ZNF385D: variants seen among roughly 807,000 people sequenced by gnomAD.
ZNF385D encodes the protein zinc finger protein 659.
A neutral mutation model predicts 35.8 loss-of-function variants in ZNF385D; 15 were observed. That is an observed-to-expected ratio of 0.42 (90% CI 0.28 to 0.64). ZNF385D has a LOEUF of 0.64. ZNF385D is among the 30% of genes least tolerant of loss of function. The pLI is 0.23. For synonymous variants in ZNF385D, 212 were observed against 186.8 expected, an observed-to-expected ratio of 1.13 and a Z score of -1.10; for missense variants, 474 against 494.6, an observed-to-expected ratio of 0.96 and a Z score of 0.39.
intron 4 of ZNF385D, among the ~76,000 whole-genome samples, chr3:21,446,323 C>T (rs1261117323): frequency 6.6e-6 from 1 of 152,000 alleles, no homozygotes; most frequent in Non-Finnish European, 1.5e-5. Flanking sequence ...GACCAGTGTC[C>T]TTGTTTTCCT....
intron 3 of ZNF385D, among the ~76,000 whole-genome samples, chr3:21,881,683 T>C (rs1238747197): frequency 2.6e-5 from 4 of 152,004 alleles, no homozygotes; most frequent in Non-Finnish European, 5.9e-5. Flanking sequence ...CACAAGGCTA[T>C]AGTTGCCATT....
chr3:22,361,249 A>AAAGG (rs1285409385), intron 2 of ZNF385D, among the ~76,000 whole-genome samples: 2 of 152,114 alleles, frequency 1.3e-5, no homozygotes, highest in African/African-American at 4.8e-5. Context: ...AACAACTGGG[A>AAAGG]AAGGACAAAA....
intron 3 of ZNF385D, among the ~76,000 whole-genome samples, chr3:21,953,235 C>A (rs1269537015): frequency 1.3e-5 from 2 of 150,778 alleles, no homozygotes; most frequent in Non-Finnish European, 3.0e-5. Flanking sequence ...AGCAGCAGAA[C>A]TTACAAACTA....
At chr3:21,979,547 T>C (rs577193716) in intron 3 of ZNF385D, 1 of 152,312 alleles carries the variant, frequency 6.6e-6, no homozygotes, top group South Asian at 2.1e-4. Flanking sequence ...TACAGTTTCA[T>C]ATAAATAGAG....
chr3:21,740,384 A>T (rs1054929397), intron 1 of ZNF385D, among the ~76,000 whole-genome samples: 1 of 152,174 alleles, frequency 6.6e-6, no homozygotes, highest in Non-Finnish European at 1.5e-5. Flanking sequence ...CTGAGTCAGG[A>T]TCTATATTAT....
intron 3 of ZNF385D, among the ~76,000 whole-genome samples, chr3:21,952,780 A>G (rs926227733): frequency 3.9e-5 from 6 of 151,920 alleles, no homozygotes; most frequent in Non-Finnish European, 7.4e-5. Flanking sequence ...GCTACTTAAT[A>G]TATTTTATGA....
chr3:21,447,434 C>T (rs1449317993), intron 4 of ZNF385D, among the ~76,000 whole-genome samples: 1 of 152,166 alleles, frequency 6.6e-6, no homozygotes, highest in Non-Finnish European at 1.5e-5. Context: ...ATACTGCATG[C>T]TGCAGTAACA....
At chr3:21,823,715 G>A (rs1694421107) in intron 3 of ZNF385D, among the ~76,000 whole-genome samples, 1 of 152,170 alleles carries the variant, frequency 6.6e-6, no homozygotes, top group Non-Finnish European at 1.5e-5. Flanking sequence ...CTTAACCACA[G>A]AAGGTATGTT....
chr3:22,179,051 T>C (rs949138727), intron 2 of ZNF385D, among the ~76,000 whole-genome samples: 4 of 152,156 alleles, frequency 2.6e-5, no homozygotes, highest in Admixed American at 2.6e-4. Context: ...TGGCTTAGGA[T>C]TGACTTGGCG....
intron 3 of ZNF385D, among the ~76,000 whole-genome samples, chr3:22,043,117 T>G (rs910767095): frequency 5.3e-5 from 8 of 152,166 alleles, no homozygotes; most frequent in African/African-American, 1.7e-4. Context: ...CTGCAGTCAT[T>G]TGGTTTACAA....
chr3:21,698,476 T>C (rs2067549878), intron 1 of ZNF385D, among the ~76,000 whole-genome samples: 1 of 152,156 alleles, frequency 6.6e-6, no homozygotes, highest in South Asian at 2.1e-4. Flanking sequence ...GAGAAGGGAC[T>C]GAGGGTTGAA....
intron 2 of ZNF385D, among the ~76,000 whole-genome samples, chr3:22,179,976 C>T (rs1254167487): frequency 1.3e-5 from 2 of 152,002 alleles, no homozygotes; most frequent in Non-Finnish European, 2.9e-5. Flanking sequence ...AAAAACCCTT[C>T]AAAAAATCAA....
intron 3 of ZNF385D, among the ~76,000 whole-genome samples, chr3:22,162,357 A>G (rs1319688363): frequency 6.6e-6 from 1 of 152,210 alleles, no homozygotes; most frequent in East Asian, 1.9e-4. Flanking sequence ...TAGAAAATCT[A>G]CATTAGTAAA....
At chr3:21,732,469 G>A (rs2069066172) in intron 1 of ZNF385D, among the ~76,000 whole-genome samples, 1 of 152,206 alleles carries the variant, frequency 6.6e-6, no homozygotes, top group African/African-American at 2.4e-5. Flanking sequence ...CTGCCAAACT[G>A]TCTTCTAACG....
intron 3 of ZNF385D, among the ~76,000 whole-genome samples, chr3:21,981,550 A>G (rs1301357722): frequency 3.9e-5 from 6 of 152,216 alleles, no homozygotes; most frequent in Admixed American, 3.3e-4. Flanking sequence ...TGCTGTGCAG[A>G]TGCTCTTAAC....
At chr3:21,805,612 G>A (rs1219565020) in intron 3 of ZNF385D, among the ~76,000 whole-genome samples, 1 of 152,176 alleles carries the variant, frequency 6.6e-6, no homozygotes, top group Admixed American at 6.5e-5. Context: ...TTTGTCATTT[G>A]TGAAATAAAA....
intron 1 of ZNF385D, among the ~76,000 whole-genome samples, chr3:21,748,884 T>C (rs2069914351): frequency 6.6e-6 from 1 of 152,192 alleles, no homozygotes; most frequent in Non-Finnish European, 1.5e-5. Flanking sequence ...ATGCCTGAAG[T>C]GTACTGCTCA....
chr3:21,961,185 G>A (rs1049642234), intron 3 of ZNF385D, among the ~76,000 whole-genome samples: 3 of 151,942 alleles, frequency 2.0e-5, no homozygotes, highest in African/African-American at 7.2e-5. Flanking sequence ...CCGTAAGTAT[G>A]TGCAATTAGA....
At chr3:22,247,615 T>TTTTATAATTTTATTTA (rs1699853204) in intron 2 of ZNF385D, among the ~76,000 whole-genome samples, 1 of 148,204 alleles carries the variant, frequency 6.7e-6, no homozygotes, top group African/African-American at 2.5e-5. Flanking sequence ...CATTTTACAA[T>TTTTATAATTTTATTTA]TTTATTTATT....
Sources: allele counts gnomAD v4.1 joint callset (sites outside exome capture counted in the v4.1 genomes callset), GRCh38; gene constraint gnomAD v4.1.1; transcripts MANE v1.5; gene names NCBI Gene and HGNC (gene_info 2026-07-23, HGNC 2026-07-21).